Variants in NLGN1 observed in about 807,000 individuals in gnomAD.
The protein encoded by NLGN1 is neuroligin-1.
A neutral mutation model predicts 65.5 loss-of-function variants in NLGN1; 12 were observed. That is an observed-to-expected ratio of 0.18 (90% confidence interval 0.12 to 0.30). The LOEUF (loss-of-function observed/expected upper bound fraction) is 0.30, where lower values mean the gene tolerates loss of function less well. NLGN1 is among the 10% of genes least tolerant of loss of function. The pLI is 1.00. For synonymous variants in NLGN1, 350 were observed against 359.5 expected, an observed-to-expected ratio of 0.97 and a Z score of 0.30; for missense variants, 750 against 1,007.1, an observed-to-expected ratio of 0.74 and a Z score of 3.46.
intron 4 of NLGN1, among the ~76,000 whole-genome samples, chr3:173,980,689 C>G (rs2152392570): frequency 6.6e-6 from 1 of 151,474 alleles, no homozygotes; most frequent in Admixed American, 6.6e-5. Context: ...GTGCTTCAAA[C>G]TCATCTCATC....
chr3:173,445,311 A>G (rs996932390), intron 2 of NLGN1, among the ~76,000 whole-genome samples: 1 of 151,112 alleles, frequency 6.6e-6, no homozygotes, highest in Non-Finnish European at 1.5e-5. Flanking sequence ...ACTTGTGTGA[A>G]GATCTATTAT....
At chr3:174,184,202 G>GA (rs1426999989) in intron 4 of NLGN1, among the ~76,000 whole-genome samples, 2 of 151,784 alleles carry the variant, frequency 1.3e-5, no homozygotes, top group South Asian at 2.1e-4. Context: ...CATTTATACT[G>GA]AAAAAAATAG....
At chr3:174,268,243 C>A (rs1226555666) in intron 4 of NLGN1, among the ~76,000 whole-genome samples, 1 of 152,046 alleles carries the variant, frequency 6.6e-6, no homozygotes, top group African/African-American at 2.4e-5. Flanking sequence ...TTTTTCACTT[C>A]TTTGTGAAAG....
At position 174,234,985 on chromosome 3, in the gene NLGN1, C is replaced by CTTTTTTTTTTTTTTTTTTTT. The variant is rs748911027; in HGVS notation, c.647-40319_647-40300dup. On this transcript the variant is annotated intron_variant, in intron 4 of 6. Coordinates refer to ENST00000457714, the Ensembl canonical transcript of NLGN1. ...GAGCTTTGTAAAATAAAGGAATCAC[C>CTTTTTTTTTTTTTTTTTTTT]TTTTTTTTTTTTTTTTTTTTTTTTT... Among the ~76,000 whole-genome samples the CTTTTTTTTTTTTTTTTTTTT allele has an allele frequency of 1.4e-4, 9 of 65,744 alleles. 2 individuals are homozygous for CTTTTTTTTTTTTTTTTTTTT. The highest frequency in any genetic ancestry group is 5.6e-4 in the African/African-American group (7 of 12,490). 43.1% of individuals were successfully genotyped at this position (65,744 alleles called of 152,430 possible).
At chr3:173,789,297 T>C (rs1388078152) in intron 3 of NLGN1, among the ~76,000 whole-genome samples, 2 of 152,152 alleles carry the variant, frequency 1.3e-5, no homozygotes, top group Non-Finnish European at 2.9e-5. Context: ...TGCATGCACT[T>C]TTTTCCTGAA....
chr3:173,535,909 C>T (rs1000012532), intron 2 of NLGN1, among the ~76,000 whole-genome samples: 5 of 152,196 alleles, frequency 3.3e-5, no homozygotes, highest in African/African-American at 1.2e-4. Flanking sequence ...CATTCACTGT[C>T]ATCAAGTCAG....
intron 3 of NLGN1, chr3:173,685,750 G>A: frequency 1.0e-6 from 1 of 985,426 alleles, no homozygotes; most frequent in Non-Finnish European, 1.2e-6. Flanking sequence ...GTGTGACTCT[G>A]AAGCATGTGC....
At chr3:173,492,624 ATTAC>A (rs1260451903) in intron 2 of NLGN1, among the ~76,000 whole-genome samples, 3 of 152,018 alleles carry the variant, frequency 2.0e-5, no homozygotes, top group South Asian at 2.1e-4. Context: ...GAATACAATA[ATTAC>A]TTAGTCATAA....
chr3:173,962,067 T>C (rs972650913), intron 4 of NLGN1, among the ~76,000 whole-genome samples: 3 of 152,126 alleles, frequency 2.0e-5, no homozygotes, highest in Non-Finnish European at 2.9e-5. Context: ...CATGGACCTT[T>C]GTTACTGAGA....
At position 173,570,163 on chromosome 3, in the gene NLGN1, A is replaced by ACTT. The variant is rs1744412845; in HGVS notation, c.-320-34116_-320-34115insCTT. Among the ~76,000 whole-genome samples, 14 of 152,272 alleles carry ACTT rather than the reference A, an allele frequency of 9.2e-5. No homozygotes were observed. In the South Asian group the frequency reaches 2.9e-3, roughly 32 times the overall value. ...GATAGATTGTATCTCTGAAGGGTTA[A>ACTT]TAGAGGCAGTGCTGACTAAAGTAAG... is the stretch of plus-strand genomic sequence containing the variant. On this transcript the variant is annotated intron_variant, in intron 2 of 6. Coordinates refer to ENST00000457714, the Ensembl canonical transcript of NLGN1.
intron 3 of NLGN1, among the ~76,000 whole-genome samples, chr3:173,740,500 C>T (rs1430071534): frequency 6.6e-6 from 1 of 151,890 alleles, no homozygotes; most frequent in Non-Finnish European, 1.5e-5. Context: ...AATATAAAAC[C>T]CATATCTTGG....
chr3:174,023,571 G>C (rs538444187), intron 4 of NLGN1, among the ~76,000 whole-genome samples: 1 of 152,242 alleles, frequency 6.6e-6, no homozygotes, highest in African/African-American at 2.4e-5. Context: ...GTGTGGGGAG[G>C]CACTGCTGTT....
At chr3:173,537,729 A>C (rs937830971) in intron 2 of NLGN1, among the ~76,000 whole-genome samples, 4 of 152,052 alleles carry the variant, frequency 2.6e-5, no homozygotes, top group African/African-American at 9.7e-5. Flanking sequence ...GGTCTGGACT[A>C]TTTGTAGTGC....
chr3:173,763,674 C>CCAG (rs1483727264), intron 3 of NLGN1, among the ~76,000 whole-genome samples: 1 of 151,796 alleles, frequency 6.6e-6, no homozygotes, highest in Non-Finnish European at 1.5e-5. Flanking sequence ...CTTCAACTCT[C>CCAG]CAGCAAACTC....
chr3:173,667,445 A>G (rs1010143610), intron 3 of NLGN1, among the ~76,000 whole-genome samples: 1 of 152,204 alleles, frequency 6.6e-6, no homozygotes, highest in African/African-American at 2.4e-5. Flanking sequence ...CCCCACCCAG[A>G]TTCCCTGAAG....
intron 3 of NLGN1, among the ~76,000 whole-genome samples, chr3:173,686,084 G>A (rs897846554): frequency 6.6e-6 from 1 of 152,004 alleles, no homozygotes; most frequent in African/African-American, 2.4e-5. Context: ...GAAATACATT[G>A]AGTTAAAACC....
At chr3:173,768,780 T>C (rs953575013) in intron 3 of NLGN1, among the ~76,000 whole-genome samples, 1 of 152,140 alleles carries the variant, frequency 6.6e-6, no homozygotes, top group Admixed American at 6.5e-5. Context: ...AACATTTTGT[T>C]GTTGTTGCTG....
intron 3 of NLGN1, among the ~76,000 whole-genome samples, chr3:173,665,899 T>C (rs2149710558): frequency 6.6e-6 from 1 of 152,288 alleles, no homozygotes; most frequent in African/African-American, 2.4e-5. Context: ...GGTATTAATT[T>C]CGGCCTTCCA....
chr3:173,799,721 T>C (rs143363432), intron 3 of NLGN1, among the ~76,000 whole-genome samples: 23 of 151,982 alleles, frequency 1.5e-4, no homozygotes, highest in African/African-American at 5.1e-4. Context: ...AATATTTGTG[T>C]AATGACAAGT....
Sources: allele counts gnomAD v4.1 joint callset (sites outside exome capture counted in the v4.1 genomes callset), GRCh38; gene constraint gnomAD v4.1.1; transcripts MANE v1.5; gene names NCBI Gene and HGNC (gene_info 2026-07-23, HGNC 2026-07-21).